Variants in GLRA3 observed in about 807,000 individuals in gnomAD.
GLRA3 encodes glycine receptor alpha 3.
Under a neutral mutation model 60.4 loss-of-function variants are expected in GLRA3, and 44 were observed. That is an observed-to-expected ratio of 0.73 (90% CI 0.57 to 0.94). The LOEUF (loss-of-function observed/expected upper bound fraction) is 0.94, where lower values mean the gene tolerates loss of function less well. Among genes scored for constraint, GLRA3 ranks in the 40% least tolerant of loss-of-function variants. The pLI, the probability that GLRA3 is intolerant of heterozygous loss-of-function variation, is 0.00. For synonymous variants in GLRA3, 223 were observed against 192.9 expected (o/e 1.16, Z -1.29); for missense variants, 508 against 564.6 (o/e 0.90, Z 1.02).
intron 7 of GLRA3, among the ~76,000 whole-genome samples, chr4:174,675,812 TATC>T (rs1734097358): frequency 6.6e-6 from 1 of 152,160 alleles, no homozygotes; most frequent in Admixed American, 6.6e-5. Flanking sequence ...AGCATGTTAA[TATC>T]ATATTTTAAT....
intron 7 of GLRA3, among the ~76,000 whole-genome samples, chr4:174,676,213 G>A (rs1291898705): frequency 6.6e-6 from 1 of 151,996 alleles, no homozygotes; most frequent in Admixed American, 6.6e-5. Flanking sequence ...ACCTCACAGA[G>A]GGAACAATTT....
intron 9 of GLRA3, among the ~76,000 whole-genome samples, chr4:174,650,366 G>A (rs1290882707): frequency 1.3e-5 from 2 of 152,114 alleles, no homozygotes; most frequent in Non-Finnish European, 2.9e-5. Flanking sequence ...TCCCTCTGAG[G>A]TCTTAACATT....
chr4:174,752,989 T>C (rs2111200246), intron 3 of GLRA3, among the ~76,000 whole-genome samples: 1 of 152,320 alleles, frequency 6.6e-6, no homozygotes, highest in African/African-American at 2.4e-5. Flanking sequence ...AAATGGCTTA[T>C]GTTATCAAGC....
intron 7 of GLRA3, among the ~76,000 whole-genome samples, chr4:174,668,046 G>A (rs188437205): frequency 2.7e-4 from 41 of 152,172 alleles, no homozygotes; most frequent in Admixed American, 9.2e-4. Context: ...CGTGAGATCT[G>A]GTTGTTTAAA....
At chr4:174,647,406 C>T (rs1732863414) in intron 9 of GLRA3, among the ~76,000 whole-genome samples, 1 of 118,716 alleles carries the variant, frequency 8.4e-6, no homozygotes, top group African/African-American at 4.4e-5. Context: ...GAGATCCCAT[C>T]TCAAGAAAAA....
At chr4:174,799,623 A>G (rs1358765652) in intron 1 of GLRA3, among the ~76,000 whole-genome samples, 6 of 152,246 alleles carry the variant, frequency 3.9e-5, no homozygotes, top group Admixed American at 3.9e-4. Context: ...CAACTTTAGT[A>G]AGAATGACCC....
At chr4:174,795,035 A>G (rs1739506067) in intron 1 of GLRA3, among the ~76,000 whole-genome samples, 1 of 150,436 alleles carries the variant, frequency 6.6e-6, no homozygotes, top group African/African-American at 2.4e-5. Context: ...ATAAATAATT[A>G]TATATATTTA....
chr4:174,783,148 C>G (rs1165421962), intron 2 of GLRA3, among the ~76,000 whole-genome samples: 1 of 151,832 alleles, frequency 6.6e-6, no homozygotes, highest in African/African-American at 2.4e-5. Flanking sequence ...AGAACAGAGC[C>G]CTCAGAAATA....
chr4:174,785,622 G>A (rs1369207120), intron 2 of GLRA3, among the ~76,000 whole-genome samples: 1 of 152,088 alleles, frequency 6.6e-6, no homozygotes, highest in Non-Finnish European at 1.5e-5. Flanking sequence ...AAACAGATAG[G>A]TATTTTCCAA....
At chr4:174,680,986 C>G (rs1305385170) in intron 6 of GLRA3, among the ~76,000 whole-genome samples, 1 of 152,026 alleles carries the variant, frequency 6.6e-6, no homozygotes, top group Non-Finnish European at 1.5e-5. Context: ...GAAATGGAGT[C>G]TGGGATCTGA....
chr4:174,736,310 A>G (rs1736786552), intron 3 of GLRA3, among the ~76,000 whole-genome samples: 1 of 152,146 alleles, frequency 6.6e-6, no homozygotes, highest in African/African-American at 2.4e-5. Context: ...TTAAAAATTT[A>G]AAAAATCGTG....
rs1732551850 is a variant in GLRA3 at position 174,638,397 on chromosome 4, A to G, written c.*5389T>C. On this transcript the variant is annotated 3_prime_UTR_variant, in exon 10 of 10. Coordinates refer to ENST00000274093, the MANE Select transcript of GLRA3 (RefSeq NM_006529.4). ...AACCTCCATCTCCTGGGCTCAAGCC[A>G]TTCTTCCACCTCAGCCTCCCTTGAG... 6.6e-6 allele frequency: 1 copy of G among 152,232 alleles called. No homozygotes were observed. Among genetic ancestry groups the G allele is most frequent in the Non-Finnish European group, 1.5e-5 (1 of 68,118 alleles). 9.4% of individuals were successfully genotyped at this position (152,232 alleles called of 1,614,324 possible).
chr4:174,790,747 G>A (rs773967309), intron 1 of GLRA3, among the ~76,000 whole-genome samples: 3 of 147,418 alleles, frequency 2.0e-5, no homozygotes, highest in Admixed American at 7.0e-5. Flanking sequence ...TTGGGAGGCC[G>A]AAGCGGGTGG....
intron 7 of GLRA3, among the ~76,000 whole-genome samples, chr4:174,665,659 T>C (rs2110912921): frequency 6.6e-6 from 1 of 152,296 alleles, no homozygotes; most frequent in Admixed American, 6.5e-5. Flanking sequence ...ATAACTCCAT[T>C]GTATCATTGA....
intron 3 of GLRA3, among the ~76,000 whole-genome samples, chr4:174,750,764 C>T (rs554738289): frequency 6.6e-6 from 1 of 152,124 alleles, no homozygotes; most frequent in South Asian, 2.1e-4. Flanking sequence ...TCTTTGACTG[C>T]AGATGGTTGC....
In GLRA3 at chr4:174,645,477, A is replaced by G. The variant is rs1732780376; in HGVS notation, c.1117-1413T>C. 2.6e-5 allele frequency among the ~76,000 whole-genome samples: 4 copies of G among 151,948 alleles called. No individual in the cohort carries two copies. In the South Asian group the frequency reaches 6.2e-4, roughly 24 times the overall value. On this transcript the variant is annotated intron_variant, in intron 9 of 9. Transcript: ENST00000274093. The stretch of plus-strand genomic sequence containing the variant: ...GTTCTGTGAAAGTAGCTCCTCAATG[A>G]ATAATATATTATAAAATATGAAAGT...
At chr4:174,758,202 A>G (rs1260000724) in intron 3 of GLRA3, among the ~76,000 whole-genome samples, 1 of 152,168 alleles carries the variant, frequency 6.6e-6, no homozygotes, top group Non-Finnish European at 1.5e-5. Flanking sequence ...AGCAATGCAA[A>G]ACAGACTATG....
At chr4:174,742,537 C>T (rs753129877) in intron 3 of GLRA3, among the ~76,000 whole-genome samples, 5 of 152,152 alleles carry the variant, frequency 3.3e-5, no homozygotes, top group Non-Finnish European at 7.4e-5. Context: ...CAAGACACTG[C>T]TAAACTCATG....
intron 5 of GLRA3, among the ~76,000 whole-genome samples, chr4:174,705,849 G>C (rs1735495189): frequency 1.3e-5 from 2 of 151,606 alleles, no homozygotes; most frequent in South Asian, 4.2e-4. Flanking sequence ...GGTGGGGGTG[G>C]GGAGGGCAAT....
Sources: allele counts gnomAD v4.1 joint callset (sites outside exome capture counted in the v4.1 genomes callset), GRCh38; gene constraint gnomAD v4.1.1; transcripts MANE v1.5; gene names NCBI Gene and HGNC (gene_info 2026-07-23, HGNC 2026-07-21).